Variants in ZNF81 observed in about 807,000 individuals in gnomAD.
ZNF81 encodes the protein zinc finger protein 81 (HFZ20).
A neutral mutation model predicts 32.3 loss-of-function variants in ZNF81; 5 were observed. That is an observed-to-expected ratio of 0.15 (90% confidence interval 0.08 to 0.33). The LOEUF is 0.33. Among genes scored for constraint, ZNF81 ranks in the 10% least tolerant of loss-of-function variants. The probability of loss-of-function intolerance (pLI) is 1.00; values close to 1 mark genes in which losing one functional copy is unlikely to be tolerated. For synonymous variants in ZNF81, 163 were observed against 166.8 expected (o/e 0.98, Z 0.17); for missense variants, 379 against 479.8 (o/e 0.79, Z 1.96).
Position 47,922,070 on chromosome X carries a change from A to T in ZNF81, c.*5438A>T, listed in dbSNP as rs1158372799. 1 of 112,200 alleles carries T rather than the reference A, an allele frequency of 8.9e-6. No homozygotes were observed. Among genetic ancestry groups the T allele is most frequent in the African/African-American group, 3.2e-5 (1 of 30,815 alleles). The allele number at this position is 112,200 out of a possible 1,213,427, so 9.2% of individuals were successfully genotyped here. A position where few individuals can be genotyped will look rare whatever the true frequency, so the allele number is the denominator to read the frequency against. On this transcript the variant is annotated 3_prime_UTR_variant, in exon 5 of 5. Transcript: ENST00000338637. ...ACCAGAATAATGGATTAAAACGTTAACTGTTTTAAGTCACTAAGTTTTGGG... is the reference window on the plus strand; with the variant it reads ...ACCAGAATAATGGATTAAAACGTTATCTGTTTTAAGTCACTAAGTTTTGGG...
In ZNF81 at chrX:47,916,222, T is replaced by C. The variant is rs782350078; in HGVS notation, c.1576T>C (p.Tyr526His). 1 of 1,211,443 alleles carries C rather than the reference T, an allele frequency of 8.3e-7. No individual in the cohort carries two copies. Among genetic ancestry groups the C allele is most frequent in the Admixed American group, 2.2e-5 (1 of 45,921 alleles). Residue 526 changes from tyrosine (Y) to histidine (H), a missense_variant, in exon 5 of 5, where the codon TAT (tyrosine) becomes CAT (histidine). By Grantham distance (83) the Tyr-to-His change is moderately conservative. This residue lies in a region of ZNF81 where 102 missense variants were observed against 173.2 expected (regional missense o/e 0.59). Coordinates refer to ENST00000338637, the MANE Select transcript of ZNF81 (RefSeq NM_007137.5). ...GAAGTCTCATACTGGAGAAAAGTCTTATATATGTGCTGAATGTGGGAAGGC... is the reference window on the plus strand; with the variant it reads ...GAAGTCTCATACTGGAGAAAAGTCTCATATATGTGCTGAATGTGGGAAGGC... Reference protein sequence around the residue: ...HQKSHTGEKSYICAECGKAFT... With the variant: ...HQKSHTGEKSHICAECGKAFT...
At chrX:47,842,984 T>A (rs2058456159) in intron 1 of ZNF81, among the ~76,000 whole-genome samples, 1 of 112,238 alleles carries the variant, frequency 8.9e-6, no homozygotes, top group African/African-American at 3.2e-5. Flanking sequence ...AGCACTTGTT[T>A]TATGGCAGTA....
Position 47,919,117 on chromosome X carries a change from T to C in ZNF81, c.*2485T>C. ...ATGCCACAATTTTGGATGAGAAATT[T>C]GGAGGTCCTGGAATAGGGGTGAACA... On this transcript the variant is annotated 3_prime_UTR_variant, in exon 5 of 5. Coordinates refer to ENST00000338637, the MANE Select transcript of ZNF81 (RefSeq NM_007137.5). 3.1e-6 allele frequency: 1 copy of C among 323,570 alleles called. No homozygotes were observed. The highest frequency in any genetic ancestry group is 6.0e-6 in the Non-Finnish European group (1 of 167,193). The allele number at this position is 323,570 out of a possible 1,213,427, so 26.7% of individuals were successfully genotyped here.
At chrX:47,902,147 GT>G (rs782320993) in intron 4 of ZNF81, among the ~76,000 whole-genome samples, 13 of 111,131 alleles carry the variant, frequency 1.2e-4, no homozygotes, top group Admixed American at 4.8e-4. Context: ...TTCGACATAA[GT>G]TTTTTTCATT....
chrX:47,881,014 A>G (rs1556885102), intron 2 of ZNF81, among the ~76,000 whole-genome samples: 1 of 111,556 alleles, frequency 9.0e-6, no homozygotes, highest in Admixed American at 9.5e-5. Flanking sequence ...AGAAAGCCAC[A>G]AGTTCCATTC....
chrX:47,900,930 C>T (rs1556887887), intron 4 of ZNF81, among the ~76,000 whole-genome samples: 1 of 110,613 alleles, frequency 9.0e-6, no homozygotes, highest in Non-Finnish European at 1.9e-5. Context: ...AGGCCTTCTT[C>T]CCCTGATTCC....
chrX:47,890,993 TA>T (rs782770502), intron 3 of ZNF81, among the ~76,000 whole-genome samples: 4 of 112,136 alleles, frequency 3.6e-5, no homozygotes, highest in African/African-American at 1.3e-4. Context: ...TCTTGCTCAC[TA>T]GGTCCAATCA....
rs1467459271 is a variant in ZNF81, at chrX:47,921,494, A to G, written c.*4862A>G. 1.8e-5 allele frequency: 2 copies of G among 111,065 alleles called. No homozygotes were observed. Among genetic ancestry groups the G allele is most frequent in the African/African-American group, 3.3e-5 (1 of 30,513 alleles). 9.2% of individuals were successfully genotyped at this position (111,065 alleles called of 1,213,427 possible). On this transcript the variant is annotated 3_prime_UTR_variant, in exon 5 of 5. Transcript: ENST00000338637. Reference sequence around the variant, plus strand: ...CTAGGCATGCAGTCTTGGTCAAGGCAACTTTGGCTGGCAGTCTCTGAGATG... The same window carrying G: ...CTAGGCATGCAGTCTTGGTCAAGGCGACTTTGGCTGGCAGTCTCTGAGATG...
rs1303755293 is a variant in ZNF81 at position 47,921,583 on chromosome X, G to A, written c.*4951G>A. 9.0e-6 allele frequency: 1 copy of A among 110,968 alleles called. No individual in the cohort carries two copies. The highest frequency in any genetic ancestry group is 9.7e-5 in the Admixed American group (1 of 10,356). 9.1% of individuals were successfully genotyped at this position (110,968 alleles called of 1,213,427 possible). ...ATATAATCCCCTCCTCTTGAGTTTGGACTGGAATTAGTGACTTGGTTCTAG... is the reference window on the plus strand; with the variant it reads ...ATATAATCCCCTCCTCTTGAGTTTGAACTGGAATTAGTGACTTGGTTCTAG... On this transcript the variant is annotated 3_prime_UTR_variant, in exon 5 of 5. Coordinates refer to ENST00000338637, the MANE Select transcript of ZNF81 (RefSeq NM_007137.5).
At chrX:47,901,634 A>G (rs2058698547) in intron 4 of ZNF81, among the ~76,000 whole-genome samples, 1 of 111,337 alleles carries the variant, frequency 9.0e-6, no homozygotes. Flanking sequence ...CTAAACTTAC[A>G]TTCCTGAGAT....
intron 4 of ZNF81, among the ~76,000 whole-genome samples, chrX:47,909,528 T>C (rs2058731908): frequency 9.0e-6 from 1 of 111,342 alleles, no homozygotes; most frequent in African/African-American, 3.3e-5. Context: ...GTTTGTTTTT[T>C]AGGTTGTCAT....
Position 47,869,386 on chromosome X carries a change from T to C in ZNF81, c.55-18613T>C, listed in dbSNP as rs369888442. The stretch of plus-strand genomic sequence containing the variant: ...CAGGACATGGCGTGGGCACAGGACA[T>C]GGTCTGTGTAATTGTGGAGACCATT... On this transcript the variant is annotated intron_variant, in intron 2 of 4. Transcript: ENST00000338637. Among the ~76,000 whole-genome samples, 11 of 111,896 alleles carry C rather than the reference T, an allele frequency of 9.8e-5. No individual in the cohort carries two copies. In the East Asian group the frequency reaches 1.4e-3, roughly 14 times the overall value.
At chrX:47,859,626 A>T (rs1267302277) in intron 2 of ZNF81, among the ~76,000 whole-genome samples, 1 of 112,268 alleles carries the variant, frequency 8.9e-6, no homozygotes, top group African/African-American at 3.2e-5. Flanking sequence ...TCTGTCAAGA[A>T]CTGTGAACAG....
intron 2 of ZNF81, among the ~76,000 whole-genome samples, chrX:47,850,889 G>GCA (rs1201846775): frequency 0.021 from 574 of 27,001 alleles, 4 homozygotes; most frequent in African/African-American, 0.039. Flanking sequence ...ACAGGCACGC[G>GCA]CGCACACACA....
At position 47,916,146 on chromosome X, in the gene ZNF81, C is replaced by T; in HGVS notation, c.1500C>T (p.Cys500=). 8.3e-7 allele frequency: 1 copy of T among 1,211,340 alleles called. No individual in the cohort carries two copies. The highest frequency in any genetic ancestry group is 1.1e-6 in the Non-Finnish European group (1 of 895,395). The stretch of plus-strand genomic sequence containing the variant: ...ATACAGGAGAGAAACCCTATATATG[C>T]ACTGAATGTGGGAAGGCTTTCACCA... ...RIHTGEKPYI[C]TECGKAFTNR... Residue 500 remains cysteine (C), a synonymous_variant, in exon 5 of 5, where the codon TGC becomes TGT. Coordinates refer to ENST00000338637, the MANE Select transcript of ZNF81 (RefSeq NM_007137.5).
intron 2 of ZNF81, among the ~76,000 whole-genome samples, chrX:47,885,141 T>G (rs2058636612): frequency 8.9e-6 from 1 of 112,431 alleles, no homozygotes; most frequent in African/African-American, 3.2e-5. Flanking sequence ...TGTTGAGCAG[T>G]AAGTGGTCAC....
At chrX:47,904,571 T>C (rs1556888744) in intron 4 of ZNF81, among the ~76,000 whole-genome samples, 1 of 110,471 alleles carries the variant, frequency 9.1e-6, no homozygotes, top group Non-Finnish European at 1.9e-5. Flanking sequence ...CAACAGGTGC[T>C]GGAGAGGATA....
intron 3 of ZNF81, among the ~76,000 whole-genome samples, chrX:47,891,855 G>C (rs1227551804): frequency 8.9e-6 from 1 of 111,749 alleles, no homozygotes; most frequent in Non-Finnish European, 1.9e-5. Context: ...AAAGGCCATA[G>C]GTCCCTTTGG....
intron 2 of ZNF81, among the ~76,000 whole-genome samples, chrX:47,866,456 C>T (rs376834438): frequency 1.8e-5 from 2 of 111,655 alleles, no homozygotes; most frequent in East Asian, 5.6e-4. Context: ...TGTATGTAGC[C>T]GGGCGGATTC....
Sources: allele counts gnomAD v4.1 joint callset (sites outside exome capture counted in the v4.1 genomes callset), GRCh38; gene constraint gnomAD v4.1.1; regional missense constraint gnomAD v4.1.1; transcripts MANE v1.5; gene names NCBI Gene and HGNC (gene_info 2026-07-23, HGNC 2026-07-21).